RBM48: variants seen among roughly 807,000 people sequenced by gnomAD.
RBM48 encodes the protein RNA-binding protein 48.
Under a neutral mutation model 34.8 loss-of-function variants are expected in RBM48, and 32 were observed. The observed-to-expected ratio is 0.92, with a 90% confidence interval of 0.69 to 1.23. The LOEUF (loss-of-function observed/expected upper bound fraction) is 1.23, where lower values mean the gene tolerates loss of function less well. Among genes scored for constraint, RBM48 ranks in the 50% most tolerant of loss-of-function variants. The pLI is 0.00. For missense variants in RBM48, 441 were observed against 447.2 expected, an observed-to-expected ratio of 0.99 and a Z score of 0.12; for synonymous variants, 151 against 156.2, an observed-to-expected ratio of 0.97 and a Z score of 0.25.
At chr7:92,532,254 C>G (rs1198923965) in intron 2 of RBM48, 150 bp from the exon 3 acceptor site, 1 of 661,472 alleles carries the variant, frequency 1.5e-6, no homozygotes, top group African/African-American at 1.8e-5. Flanking sequence ...TGTCCACAAG[C>G]AGAGCATCTT....
rs996856957 is a variant in RBM48, at chr7:92,538,745, G to A, written c.*1808G>A. Among the ~76,000 whole-genome samples, 1 of 152,180 alleles carries A rather than the reference G, an allele frequency of 6.6e-6. No individual in the cohort carries two copies. Among genetic ancestry groups the A allele is most frequent in the Non-Finnish European group, 1.5e-5 (1 of 68,044 alleles). ...CTGGTGGTGGTGGTGGCCAGGGGCT[G>A]TGGGGAGGGAAAATGAGGAGTTACG... is the stretch of plus-strand genomic sequence containing the variant. On this transcript the variant is annotated 3_prime_UTR_variant, in exon 5 of 5. Coordinates refer to ENST00000265732, the MANE Select transcript of RBM48 (RefSeq NM_032120.4).
intron 2 of RBM48, among the ~76,000 whole-genome samples, chr7:92,531,414 T>C (rs893467531): frequency 6.6e-5 from 10 of 152,340 alleles, no homozygotes; most frequent in East Asian, 5.8e-4. Context: ...TATTTTTATA[T>C]TGATCTCTGT....
chr7:92,535,467 C>T, intron 4 of RBM48: 1 of 993,964 alleles, frequency 1.0e-6, no homozygotes, highest in Non-Finnish European at 1.2e-6. Flanking sequence ...CAAATGTAGA[C>T]TTCTTAAATG....
At chr7:92,531,493 C>G (rs1406238501) in intron 2 of RBM48, among the ~76,000 whole-genome samples, 1 of 152,222 alleles carries the variant, frequency 6.6e-6, no homozygotes, top group Admixed American at 6.5e-5. Flanking sequence ...CTTTCTTGTG[C>G]TATCAGTAGA....
chr7:92,534,540 C>A lies in RBM48; in HGVS notation c.587C>A (p.Pro196Gln). The A allele has an allele frequency of 5.0e-6, 8 of 1,614,116 alleles. No individual in the cohort carries two copies. Among genetic ancestry groups the A allele is most frequent in the Non-Finnish European group, 6.8e-6 (8 of 1,180,030 alleles). The change falls in exon 4 of 5, where the codon CCG becomes CAG. Residue 196 changes from proline to glutamine, a missense_variant. Transcript: ENST00000265732. The part of the protein sequence containing the change: ...TSAGNSNPYL[P>Q]YSCELPLCYF... ...GCAGGGAACTCAAATCCTTATCTTC[C>A]GTATTCCTGTGAATTGCCTTTATGT...
chr7:92,528,818 C>T lies in RBM48; in HGVS notation c.5C>T (p.Ala2Val), dbSNP rs996659273. 1.2e-6 allele frequency: 2 copies of T among 1,613,500 alleles called. No homozygotes were observed. Among genetic ancestry groups the T allele is most frequent in the Non-Finnish European group, 1.7e-6 (2 of 1,179,530 alleles). The change falls in exon 1 of 5, where the codon GCG (alanine) becomes GTG (valine). Residue 2 changes from alanine (A) to valine (V), a missense_variant. Coordinates refer to ENST00000265732, the MANE Select transcript of RBM48 (RefSeq NM_032120.4). M[A>V]SSGGELGSLF... ...GCGAGGATCAAAGTAGGCAAGATGG[C>T]GTCGAGCGGCGGGGAGCTAGGGAGT...
chr7:92,536,721 T>C, intron 4 of RBM48, 130 bp from the exon 5 acceptor site: 1 of 1,376,752 alleles, frequency 7.3e-7, no homozygotes, highest in Non-Finnish European at 9.4e-7. Context: ...ACCTTGAACT[T>C]AGGCGAACTC....
chr7:92,530,220 G>A (rs948098833), intron 2 of RBM48, among the ~76,000 whole-genome samples: 9 of 149,438 alleles, frequency 6.0e-5, no homozygotes, highest in African/African-American at 2.2e-4. Context: ...AAGCCTGGGC[G>A]TGGTGACTCA....
chr7:92,539,652 T>C lies in RBM48; in HGVS notation c.*2715T>C, dbSNP rs895420279. ...AGGCAGAGATCGCAGTGAGTTGAGATTGTACCACTGCACTCCAGTCTGGGC... is the reference window on the plus strand; with the variant it reads ...AGGCAGAGATCGCAGTGAGTTGAGACTGTACCACTGCACTCCAGTCTGGGC... On this transcript the variant is annotated 3_prime_UTR_variant, in exon 5 of 5. Coordinates refer to ENST00000265732, the MANE Select transcript of RBM48 (RefSeq NM_032120.4). Among the ~76,000 whole-genome samples, 2 of 152,198 alleles carry C rather than the reference T, an allele frequency of 1.3e-5. No individual in the cohort carries two copies. Among genetic ancestry groups the C allele is most frequent in the Admixed American group, 6.5e-5 (1 of 15,272 alleles).
At chr7:92,529,422 A>G in intron 1 of RBM48, 54 bp from the exon 2 acceptor site, 1 of 1,081,666 alleles carries the variant, frequency 9.2e-7, no homozygotes, top group Non-Finnish European at 1.3e-6. Flanking sequence ...ATAGAGGCAG[A>G]TTCGTCCTAG....
chr7:92,534,486 G>C lies in RBM48; in HGVS notation c.533G>C (p.Gly178Ala), dbSNP rs1344099871. Residue 178 changes from glycine (G) to alanine (A), a missense_variant, in exon 4 of 5, where the codon GGA (glycine) becomes GCA (alanine). Coordinates refer to ENST00000265732, the MANE Select transcript of RBM48 (RefSeq NM_032120.4). The stretch of plus-strand genomic sequence containing the variant: ...CAAGACTTCCACTCAGAGATGTCTG[G>C]ATTTTGTAAAGCTGCTTTGAACACT... ...FRQDFHSEMS[G>A]FCKAALNTSA... 6.2e-7 allele frequency: 1 copy of C among 1,614,014 alleles called. No homozygotes were observed. The highest frequency in any genetic ancestry group is 8.5e-7 in the Non-Finnish European group (1 of 1,180,014).
At position 92,529,627 on chromosome 7, in the gene RBM48, A is replaced by T. The variant is rs1450143953; in HGVS notation, c.263A>T (p.Glu88Val). 1 of 1,605,050 alleles carries T rather than the reference A, an allele frequency of 6.2e-7. No individual in the cohort carries two copies. The highest frequency in any genetic ancestry group is 1.1e-5 in the South Asian group (1 of 89,518). Residue 88 changes from glutamate to valine, a missense_variant, in exon 2 of 5, where the codon GAA (glutamate) becomes GTA (valine). Coordinates refer to ENST00000265732, the MANE Select transcript of RBM48 (RefSeq NM_032120.4). ...GAATACCCAGCAGAAGACTTTACTG[A>T]AGTTTATCTTATTAAATTTATGAAC... ...LDEYPAEDFT[E>V]VYLIKFMNLQ...
chr7:92,536,765 G>C (rs891307871), intron 4 of RBM48, 86 bp from the exon 5 acceptor site: 22 of 1,447,260 alleles, frequency 1.5e-5, no homozygotes, highest in Non-Finnish European at 2.0e-5. Flanking sequence ...TTGAACTATT[G>C]GATGTAGTCT....
In RBM48 at chr7:92,539,547, C is replaced by A. The variant is rs761736236; in HGVS notation, c.*2610C>A. 1.3e-5 allele frequency among the ~76,000 whole-genome samples: 2 copies of A among 152,126 alleles called. No homozygotes were observed. The highest frequency in any genetic ancestry group is 2.9e-5 in the Non-Finnish European group (2 of 68,014). On this transcript the variant is annotated 3_prime_UTR_variant, in exon 5 of 5. Transcript: ENST00000265732. The stretch of plus-strand genomic sequence containing the variant: ...TGAAACTCCATCTCTACAAAAAATA[C>A]AAAAAGCCAGGCGTGGTGGCAAATG...
intron 2 of RBM48, among the ~76,000 whole-genome samples, chr7:92,531,335 A>T (rs796697124): frequency 6.6e-5 from 10 of 152,318 alleles, no homozygotes; most frequent in African/African-American, 2.2e-4. Context: ...AAACTGACTC[A>T]GTTTTTTCCA....
intron 2 of RBM48, among the ~76,000 whole-genome samples, chr7:92,531,097 G>A (rs1793564709): frequency 6.6e-6 from 1 of 151,992 alleles, no homozygotes; most frequent in Admixed American, 6.5e-5. Context: ...AAAAAAAGTT[G>A]GGTTTGGAGT....
At chr7:92,530,470 A>G (rs112368668) in intron 2 of RBM48, among the ~76,000 whole-genome samples, 28,934 of 150,338 alleles carry the variant, frequency 0.19, 3,035 homozygotes, top group East Asian at 0.35. Flanking sequence ...CCTCCAGCCT[A>G]GATGACAGAG....
chr7:92,529,066 G>T (rs1793462542), intron 1 of RBM48, 142 bp downstream of exon 1: 1 of 692,514 alleles, frequency 1.4e-6, no homozygotes, highest in African/African-American at 1.8e-5. Flanking sequence ...AGAACCCTCG[G>T]TCAGTTACCA....
chr7:92,530,254 G>A (rs1182724044), intron 2 of RBM48, among the ~76,000 whole-genome samples: 1 of 151,728 alleles, frequency 6.6e-6, no homozygotes, highest in African/African-American at 2.4e-5. Flanking sequence ...AGCACTTTGG[G>A]AGACCGAGGC....
Sources: allele counts gnomAD v4.1 joint callset (sites outside exome capture counted in the v4.1 genomes callset), GRCh38; gene constraint gnomAD v4.1.1; transcripts MANE v1.5; gene names NCBI Gene and HGNC (gene_info 2026-07-23, HGNC 2026-07-21).